The following ZFYVE28 variants were observed in gnomAD, a reference collection of about 807,000 sequenced individuals.
The protein encoded by ZFYVE28 is lateral signaling target protein 2 homolog.
ZFYVE28 carries 40 observed loss-of-function variants against 82.1 expected under a neutral mutation model. The observed-to-expected ratio is 0.49, with a 90% CI of 0.38 to 0.63. ZFYVE28 has a LOEUF of 0.63. Among genes scored for constraint, ZFYVE28 ranks in the 30% least tolerant of loss-of-function variants. The probability of loss-of-function intolerance (pLI) is 0.00; values close to 1 mark genes in which losing one functional copy is unlikely to be tolerated. For synonymous variants in ZFYVE28, 612 were observed against 546.1 expected (o/e 1.12, Z -1.68); for missense variants, 1,321 against 1,242.1 (o/e 1.06, Z -0.96).
intron 1 of ZFYVE28, among the ~76,000 whole-genome samples, chr4:2,392,124 A>G (rs1461357285): frequency 2.6e-5 from 4 of 151,616 alleles, no homozygotes; most frequent in African/African-American, 9.7e-5. Flanking sequence ...ATTGCACTCC[A>G]TCCTGGGCGA....
rs1578001994 is a variant in ZFYVE28 at position 2,305,412 on chromosome 4, G to C, written c.928C>G (p.Leu310Val). Residue 310 changes from leucine (L) to valine (V), a missense_variant, in exon 8 of 13, where the codon CTC becomes GTC. This residue lies in a region of ZFYVE28 where 978 missense variants were observed against 833.7 expected (regional missense o/e 1.17). Transcript: ENST00000290974. ...CCCTCAGGGGGGAGAGGGGCAGAGAGGGCAGGCGCCAGGGCAGCGGGTCCC... is the reference window on the plus strand; with the variant it reads ...CCCTCAGGGGGGAGAGGGGCAGAGACGGCAGGCGCCAGGGCAGCGGGTCCC... ...VQGPAALAPA[L>V]SAPLPPEGPL... 6.2e-7 allele frequency: 1 copy of C among 1,612,830 alleles called. No homozygotes were observed. Among genetic ancestry groups the C allele is most frequent in the Non-Finnish European group, 8.5e-7 (1 of 1,179,956 alleles).
intron 1 of ZFYVE28, among the ~76,000 whole-genome samples, chr4:2,385,564 G>C (rs1459993103): frequency 6.6e-6 from 1 of 152,230 alleles, no homozygotes; most frequent in Non-Finnish European, 1.5e-5. Flanking sequence ...AGACCTACAT[G>C]GTTGCCTACA....
chr4:2,348,910 T>C (rs1578199391), intron 2 of ZFYVE28, among the ~76,000 whole-genome samples: 1 of 152,130 alleles, frequency 6.6e-6, no homozygotes, highest in East Asian at 1.9e-4. Context: ...TGATGCGTCT[T>C]CCATCATTTT....
At chr4:2,321,165 A>G (rs896524741) in intron 6 of ZFYVE28, among the ~76,000 whole-genome samples, 2 of 152,024 alleles carry the variant, frequency 1.3e-5, no homozygotes, top group African/African-American at 4.8e-5. Flanking sequence ...GTCCCTCATC[A>G]TATTCTTCCT....
intron 1 of ZFYVE28, among the ~76,000 whole-genome samples, chr4:2,383,178 G>A (rs554127371): frequency 3.9e-5 from 6 of 152,246 alleles, no homozygotes; most frequent in Admixed American, 3.3e-4. Context: ...GGAATTATAA[G>A]GTTTGGCTGT....
intron 1 of ZFYVE28, among the ~76,000 whole-genome samples, chr4:2,414,159 C>T (rs952866626): frequency 6.6e-6 from 1 of 152,218 alleles, no homozygotes; most frequent in Non-Finnish European, 1.5e-5. Context: ...TCTTCAAGGG[C>T]CCATGACCAA....
At chr4:2,313,512 C>A (rs1428240646) in intron 7 of ZFYVE28, among the ~76,000 whole-genome samples, 1 of 152,152 alleles carries the variant, frequency 6.6e-6, no homozygotes, top group East Asian at 1.9e-4. Flanking sequence ...TCCACCTGGG[C>A]CTCCCAAAGT....
At chr4:2,345,113 T>C (rs967293164) in intron 2 of ZFYVE28, among the ~76,000 whole-genome samples, 1 of 151,584 alleles carries the variant, frequency 6.6e-6, no homozygotes, top group African/African-American at 2.4e-5. Context: ...GGCAGGAGAA[T>C]GGCATGAACC....
intron 8 of ZFYVE28, among the ~76,000 whole-genome samples, chr4:2,276,604 T>C (rs1327171905): frequency 6.6e-6 from 1 of 152,214 alleles, no homozygotes; most frequent in Non-Finnish European, 1.5e-5. Context: ...GGTCCACCCA[T>C]ACAACAGAAT....
chr4:2,390,792 T>C (rs958452369), intron 1 of ZFYVE28, among the ~76,000 whole-genome samples: 1 of 152,248 alleles, frequency 6.6e-6, no homozygotes, highest in Non-Finnish European at 1.5e-5. Context: ...CAGAATATAA[T>C]GAAGTTGTTT....
Position 2,394,048 on chromosome 4 carries a change from C to T in ZFYVE28, c.39+24237G>A, listed in dbSNP as rs985962806. 3.9e-5 allele frequency among the ~76,000 whole-genome samples: 6 copies of T among 152,134 alleles called. No individual in the cohort carries two copies. Among genetic ancestry groups the T allele is most frequent in the African/African-American group, 1.2e-4 (5 of 41,422 alleles). Reference sequence around the variant, plus strand: ...TCCAGCTTGCACAGCTACTTCCCGACGCACGGCCGCCTCCCGGACCTTCAG... The same window carrying T: ...TCCAGCTTGCACAGCTACTTCCCGATGCACGGCCGCCTCCCGGACCTTCAG... On this transcript the variant is annotated intron_variant, in intron 1 of 12. Coordinates refer to ENST00000290974, the MANE Select transcript of ZFYVE28 (RefSeq NM_020972.3). The surrounding 1 kb of genome is among the most constrained non-coding windows in gnomAD (Gnocchi z 4.0).
intron 1 of ZFYVE28, among the ~76,000 whole-genome samples, chr4:2,374,592 C>T (rs112195660): frequency 2.6e-5 from 4 of 152,012 alleles, no homozygotes; most frequent in East Asian, 3.9e-4. Context: ...CCAGCCTGGG[C>T]GACAGAGTGA....
In ZFYVE28 at chr4:2,305,076, G is replaced by T. The variant is rs759786812; in HGVS notation, c.1264C>A (p.Pro422Thr). The change falls in exon 8 of 13, where the codon CCA becomes ACA. Residue 422 changes from proline (P) to threonine (T), a missense_variant. Physicochemically the swap from Pro to Thr is conservative, Grantham distance 38. Around this residue, in one of 2 missense-constraint regions of ZFYVE28, gnomAD observed 978 missense variants for 833.7 expected, o/e 1.17. Coordinates refer to ENST00000290974, the MANE Select transcript of ZFYVE28 (RefSeq NM_020972.3). ...CAGGTACTGCCTGCCCACCCAAATG[G>T]GCCAGCTGGGGACTCGGGCCTGGCC... The part of the protein sequence containing the change: ...ALARPESPAG[P>T]FGWAGSTWAD... The T allele has an allele frequency of 9.9e-6, 16 of 1,609,208 alleles. No homozygotes were observed. In the Admixed American group the frequency reaches 2.7e-4, roughly 27 times the overall value.
At chr4:2,321,026 T>C (rs557684222) in intron 6 of ZFYVE28, among the ~76,000 whole-genome samples, 1 of 152,188 alleles carries the variant, frequency 6.6e-6, no homozygotes, top group East Asian at 1.9e-4. Flanking sequence ...TGATCATCCA[T>C]GTCTCAGCCC....
intron 1 of ZFYVE28, among the ~76,000 whole-genome samples, chr4:2,368,223 A>AAAAAAAAAAAAAAC (rs1727116223): frequency 7.2e-6 from 1 of 139,558 alleles, no homozygotes; most frequent in Admixed American, 7.0e-5. Flanking sequence ...AAAAAAAAAA[A>AAAAAAAAAAAAAAC]AAAAAAACAC....
At chr4:2,415,451 T>TAC (rs58420760) in intron 1 of ZFYVE28, among the ~76,000 whole-genome samples, 15,858 of 147,196 alleles carry the variant, frequency 0.11, 912 homozygotes, top group Non-Finnish European at 0.13. Context: ...ACCCTGTCTC[T>TAC]ACACACACAC....
chr4:2,355,953 C>T (rs3135130), intron 1 of ZFYVE28, among the ~76,000 whole-genome samples: 34,815 of 152,162 alleles, frequency 0.23, 4,325 homozygotes, highest in Middle Eastern at 0.33. Flanking sequence ...TACCAAATCG[C>T]GCACAGTTCG....
At chr4:2,274,671 C>T (rs964951519) in intron 8 of ZFYVE28, among the ~76,000 whole-genome samples, 1 of 152,194 alleles carries the variant, frequency 6.6e-6, no homozygotes, top group African/African-American at 2.4e-5. Flanking sequence ...GGGGTCTCAG[C>T]AGGAGCAATT....
intron 7 of ZFYVE28, chr4:2,316,306 T>C (rs1718199678): frequency 6.6e-6 from 1 of 152,246 alleles, no homozygotes; most frequent in Non-Finnish European, 1.5e-5. Context: ...ACCTACTCCA[T>C]TTCTGACCTG....
Sources: allele counts gnomAD v4.1 joint callset (sites outside exome capture counted in the v4.1 genomes callset), GRCh38; gene constraint gnomAD v4.1.1; regional missense constraint gnomAD v4.1.1; non-coding constraint Gnocchi (gnomAD v3.1); transcripts MANE v1.5; gene names NCBI Gene and HGNC (gene_info 2026-07-23, HGNC 2026-07-21).